The following TELO2 variants were observed in gnomAD, a reference collection of about 807,000 sequenced individuals.
TELO2 encodes telomere length regulation protein TEL2 homolog.
Under a neutral mutation model 91.0 loss-of-function variants are expected in TELO2, and 71 were observed. The observed-to-expected ratio is 0.78, with a 90% CI of 0.64 to 0.95. The LOEUF is 0.95. Among genes scored for constraint, TELO2 ranks in the 40% least tolerant of loss-of-function variants. The probability of loss-of-function intolerance (pLI) is 0.00; values close to 1 mark genes in which losing one functional copy is unlikely to be tolerated. For missense variants in TELO2, 1,183 were observed against 1,141.3 expected (o/e 1.04, Z -0.53); for synonymous variants, 584 against 518.9 (o/e 1.13, Z -1.71).
Position 1,497,468 on chromosome 16 carries a change from A to C in TELO2, c.790A>C (p.Met264Leu). The part of the protein sequence containing the change: ...RLVEQVPDRA[M>L]EAVLTGLVEA... ...GGTGGAGCAAGTGCCGGACCGGGCC[A>C]TGGAGGCTGTGCTGACCGGGCTGGT... The change falls in exon 5 of 21, where the codon ATG (methionine) becomes CTG (leucine). Residue 264 changes from methionine (M) to leucine (L), a missense_variant. Transcript: ENST00000262319. This position sits in a 1 kb window ranked among gnomAD's most constrained non-coding sequence, Gnocchi z 4.0. 6.3e-7 allele frequency: 1 copy of C among 1,575,302 alleles called. No individual in the cohort carries two copies. Among genetic ancestry groups the C allele is most frequent in the Non-Finnish European group, 8.6e-7 (1 of 1,162,380 alleles).
chr16:1,498,520 C>T (rs1274010974), intron 5 of TELO2, among the ~76,000 whole-genome samples: 1 of 152,104 alleles, frequency 6.6e-6, no homozygotes, highest in Non-Finnish European at 1.5e-5. Context: ...TCACTGCAGC[C>T]TCGACCTCCT....
rs536552645 is a variant in TELO2, at chr16:1,507,736, G to A, written c.2407+20G>A. On this transcript the variant is annotated intron_variant, in intron 20 of 20. Transcript: ENST00000262319. ...TGGCGGGTGAGTGTCGGCCTGCGGT[G>A]TGTGTGTGAGATGTGTGTCGGCCCG... The A allele has an allele frequency of 6.3e-7, 1 of 1,592,246 alleles. No homozygotes were observed. Among genetic ancestry groups the A allele is most frequent in the South Asian group, 1.1e-5 (1 of 89,270 alleles).
Position 1,500,266 on chromosome 16 carries a change from A to G in TELO2, c.1003-81A>G, listed in dbSNP as rs1225103026. The G allele has an allele frequency of 1.8e-5, 28 of 1,529,720 alleles. No homozygotes were observed. In the East Asian group the frequency reaches 2.0e-4, roughly 11 times the overall value. The allele number at this position is 1,529,720 out of a possible 1,614,324, so 94.8% of individuals were successfully genotyped here. A position where few individuals can be genotyped will look rare whatever the true frequency, so the allele number is the denominator to read the frequency against. On this transcript the variant is annotated intron_variant, in intron 7 of 20. Transcript: ENST00000262319. ...GGTGAGGCTGGCTGGGCTGGGGCGG[A>G]GCTCCCTCAGAGTGGCTGTGGGCCT...
rs1000646950 is a variant in TELO2, at chr16:1,495,335, C to A, written c.336-11C>A. ...GGTTGGCGGCTCTGCCCAACACGCC[C>A]GTATCTTCAGCCCCAGCTTCCGGCT... On this transcript the variant is annotated splice_polypyrimidine_tract_variant and intron_variant, in intron 2 of 20. Transcript: ENST00000262319. 3.9e-6 allele frequency: 6 copies of A among 1,534,418 alleles called. No homozygotes were observed. Among genetic ancestry groups the A allele is most frequent in the African/African-American group, 1.4e-5 (1 of 72,872 alleles).
intron 17 of TELO2, 161 bp from the exon 18 acceptor site, chr16:1,506,791 G>A (rs578253413): frequency 7.1e-7 from 1 of 1,416,410 alleles, no homozygotes; most frequent in African/African-American, 1.4e-5. Context: ...GGGGGAGTAG[G>A]CACCCGGAAA....
rs1234976986 is a variant in TELO2, at chr16:1,497,272, C to A, written c.683-89C>A. ...GGGCTCAGCTGTGCTTACTGGGGAG[C>A]TGTGGGACTGTCCTTGCTGGACCCA... On this transcript the variant is annotated intron_variant, in intron 4 of 20. Transcript: ENST00000262319. This position sits in a 1 kb window ranked among gnomAD's most constrained non-coding sequence, Gnocchi z 4.0. 6.7e-7 allele frequency: 1 copy of A among 1,491,262 alleles called. No individual in the cohort carries two copies. The allele number at this position is 1,491,262 out of a possible 1,614,324, so 92.4% of individuals were successfully genotyped here.
intron 20 of TELO2, among the ~76,000 whole-genome samples, chr16:1,508,965 A>C (rs1342858765): frequency 1.3e-5 from 2 of 148,688 alleles, no homozygotes; most frequent in Admixed American, 1.3e-4. Context: ...CAGACACCAG[A>C]CCCTTGGAGC....
chr16:1,506,884 T>A, intron 17 of TELO2, 68 bp from the exon 18 acceptor site: 1 of 1,497,976 alleles, frequency 6.7e-7, no homozygotes, highest in Non-Finnish European at 8.9e-7. Flanking sequence ...TCTCCCACGG[T>A]GGCCCAGGAG....
chr16:1,500,200 C>G, intron 7 of TELO2, 36 bp downstream of exon 7: 1 of 1,579,360 alleles, frequency 6.3e-7, no homozygotes, highest in Non-Finnish European at 8.6e-7. Flanking sequence ...CTGCGAGGCC[C>G]TGGGAGAAGA....
rs1279722723 is a variant in TELO2, at chr16:1,500,182, C to T, written c.1002+18C>T. ...TGCTGCAGGTACGTGCCTCCTGGCT[C>T]TCCGTCCCTGCGAGGCCCTGGGAGA... On this transcript the variant is annotated intron_variant, in intron 7 of 20. Coordinates refer to ENST00000262319, the MANE Select transcript of TELO2 (RefSeq NM_016111.4). 6.3e-7 allele frequency: 1 copy of T among 1,593,430 alleles called. No individual in the cohort carries two copies. Among genetic ancestry groups the T allele is most frequent in the African/African-American group, 1.3e-5 (1 of 74,620 alleles).
In TELO2 at chr16:1,505,697, C is replaced by T. The variant is rs886687340; in HGVS notation, c.2034+96C>T. The T allele has an allele frequency of 1.1e-5, 15 of 1,392,984 alleles. No individual in the cohort carries two copies. The highest frequency in any genetic ancestry group is 1.0e-4 in the African/African-American group (7 of 69,434). 86.3% of individuals were successfully genotyped at this position (1,392,984 alleles called of 1,614,324 possible). A position where few individuals can be genotyped will look rare whatever the true frequency, so the allele number is the denominator to read the frequency against. ...TCCAGGCGCTGTCTGCAGCGAGGGG[C>T]GGCCACATTCGCTGGGGATGGTGCC... On this transcript the variant is annotated intron_variant, in intron 16 of 20. Coordinates refer to ENST00000262319, the MANE Select transcript of TELO2 (RefSeq NM_016111.4). The surrounding 1 kb of genome is among the most constrained non-coding windows in gnomAD (Gnocchi z 4.3).
In TELO2 at chr16:1,501,564, G is replaced by A. The variant is rs552249501; in HGVS notation, c.1361+65G>A. The A allele has an allele frequency of 1.1e-4, 165 of 1,565,866 alleles. 1 individual carries two copies. Among genetic ancestry groups the A allele is most frequent in the African/African-American group, 9.6e-4 (71 of 73,848 alleles). On this transcript the variant is annotated intron_variant, in intron 10 of 20. Coordinates refer to ENST00000262319, the MANE Select transcript of TELO2 (RefSeq NM_016111.4). ...TCTTACTGCTCTGGATTCCGCTGCC[G>A]GGATGGGAGGGGGGAAACCCTTTCT...
At position 1,505,762 on chromosome 16, in the gene TELO2, C is replaced by T. The variant is rs1183930702; in HGVS notation, c.2034+161C>T. Among the ~76,000 whole-genome samples the T allele has an allele frequency of 6.6e-6, 1 of 152,198 alleles. No individual in the cohort carries two copies. Among genetic ancestry groups the T allele is most frequent in the Non-Finnish European group, 1.5e-5 (1 of 68,028 alleles). ...TGAAAGGCAGGGTCCATGGTTTGCA[C>T]CGAGGAACTGGATTTTGGCTGTAGG... On this transcript the variant is annotated intron_variant, in intron 16 of 20. Coordinates refer to ENST00000262319, the MANE Select transcript of TELO2 (RefSeq NM_016111.4). This position sits in a 1 kb window ranked among gnomAD's most constrained non-coding sequence, Gnocchi z 4.3.
In TELO2 at chr16:1,505,708, G is replaced by A. The variant is rs775556482; in HGVS notation, c.2034+107G>A. 5 of 1,334,076 alleles carry A rather than the reference G, an allele frequency of 3.7e-6. No individual in the cohort carries two copies. The highest frequency in any genetic ancestry group is 2.9e-5 in the African/African-American group (2 of 68,128). The allele number at this position is 1,334,076 out of a possible 1,614,324, so 82.6% of individuals were successfully genotyped here. ...TCTGCAGCGAGGGGCGGCCACATTC[G>A]CTGGGGATGGTGCCTTTGCCGGGAT... is the stretch of plus-strand genomic sequence containing the variant. On this transcript the variant is annotated intron_variant, in intron 16 of 20. Coordinates refer to ENST00000262319, the MANE Select transcript of TELO2 (RefSeq NM_016111.4). The surrounding 1 kb of genome is among the most constrained non-coding windows in gnomAD (Gnocchi z 4.3).
Position 1,494,460 on chromosome 16 carries a change from C to G in TELO2, c.179C>G (p.Ser60Trp), listed in dbSNP as rs772364890. 6 of 1,613,302 alleles carry G rather than the reference C, an allele frequency of 3.7e-6. No individual in the cohort carries two copies. The African/African-American group carries it at 4.0e-5, about 11-fold the overall frequency. ...GAGGAGTTTGCCTCGGCCCACTTCTCGCCTGTCCTCAGATGTCTTGCCAGC... is the reference window on the plus strand; with the variant it reads ...GAGGAGTTTGCCTCGGCCCACTTCTGGCCTGTCCTCAGATGTCTTGCCAGC... ...EKEEFASAHF[S>W]PVLRCLASRL... Residue 60 changes from serine (S) to tryptophan (W), a missense_variant, in exon 2 of 21, where the codon TCG (serine) becomes TGG (tryptophan). Coordinates refer to ENST00000262319, the MANE Select transcript of TELO2 (RefSeq NM_016111.4). The surrounding 1 kb of genome is among the most constrained non-coding windows in gnomAD (Gnocchi z 5.6).
chr16:1,499,157 A>G (rs903077628), intron 5 of TELO2, 74 bp from the exon 6 acceptor site: 10 of 1,497,330 alleles, frequency 6.7e-6, no homozygotes, highest in African/African-American at 4.1e-5. Flanking sequence ...GTCTGTGGGC[A>G]TCGGAGTTCA....
At chr16:1,506,359 T>C (rs1363664570) in intron 17 of TELO2, 30 bp downstream of exon 17, 1 of 1,613,626 alleles carries the variant, frequency 6.2e-7, no homozygotes, top group African/African-American at 1.3e-5. Flanking sequence ...GCCTGTGGAC[T>C]TGGGGGACAG....
chr16:1,510,047 T>G lies in TELO2; in HGVS notation c.*111T>G, dbSNP rs1203313795. The G allele has an allele frequency of 1.1e-6, 1 of 913,348 alleles. No individual in the cohort carries two copies. The highest frequency in any genetic ancestry group is 2.6e-5 in the East Asian group (1 of 37,770). 56.6% of individuals were successfully genotyped at this position (913,348 alleles called of 1,614,324 possible). The stretch of plus-strand genomic sequence containing the variant: ...TAGCGAGGCCAGGTCTTCGGCCGCA[T>G]CCGGTACGGAGAGTGCAGATGCAGG... On this transcript the variant is annotated 3_prime_UTR_variant, in exon 21 of 21. Transcript: ENST00000262319.
intron 15 of TELO2, among the ~76,000 whole-genome samples, chr16:1,504,867 C>CGAG (rs1410435330): frequency 6.7e-6 from 1 of 148,862 alleles, no homozygotes; most frequent in Admixed American, 6.9e-5. Context: ...CACAGTGTCA[C>CGAG]GCAGCCGCCT....
Sources: allele counts gnomAD v4.1 joint callset (sites outside exome capture counted in the v4.1 genomes callset), GRCh38; gene constraint gnomAD v4.1.1; non-coding constraint Gnocchi (gnomAD v3.1); transcripts MANE v1.5; gene names NCBI Gene and HGNC (gene_info 2026-07-23, HGNC 2026-07-21).